The following FA2H variants were observed in gnomAD, a reference collection of about 807,000 sequenced individuals.
FA2H encodes fatty acid 2-hydroxylase.
In FA2H, 22 loss-of-function variants were observed where a neutral mutation model predicts 44.9. That is an observed-to-expected ratio of 0.49 (90% CI 0.35 to 0.70). FA2H has a LOEUF of 0.70. Ranked by LOEUF, FA2H falls within the 30% of genes least tolerant of loss-of-function variation. The pLI, the probability that FA2H is intolerant of heterozygous loss-of-function variation, is 0.01. For synonymous variants in FA2H, 243 were observed against 213.2 expected, an observed-to-expected ratio of 1.14 and a Z score of -1.22; for missense variants, 501 against 504.9, an observed-to-expected ratio of 0.99 and a Z score of 0.07.
intron 2 of FA2H, among the ~76,000 whole-genome samples, chr16:74,738,533 T>C (rs1962225491): frequency 6.6e-6 from 1 of 152,174 alleles, no homozygotes; most frequent in Non-Finnish European, 1.5e-5. Flanking sequence ...GTTTTGTTCA[T>C]GTCACATCAC....
intron 2 of FA2H, among the ~76,000 whole-genome samples, chr16:74,733,381 G>A (rs1222973285): frequency 1.3e-5 from 2 of 152,222 alleles, no homozygotes; most frequent in Admixed American, 6.5e-5. Flanking sequence ...GGATATTGAG[G>A]CCTGAGAGGT....
rs1235710043 is a variant in FA2H, at chr16:74,716,569, G to T, written c.817C>A (p.Pro273Thr). The T allele has an allele frequency of 6.3e-7, 1 of 1,592,852 alleles. No individual in the cohort carries two copies. ...ATCACCAGGGAGGCTGGCACAGGGG[G>T]GAAGACCAGGCGGGAGCCGTCGAAG... ...APFDGSRLVF[P>T]PVPASLVIGV... The change falls in exon 6 of 7, where the codon CCC (proline) becomes ACC (threonine). Residue 273 changes from proline (P) to threonine (T), a missense_variant. Pro to Thr is a conservative substitution (Grantham distance 38). Coordinates refer to ENST00000219368, the MANE Select transcript of FA2H (RefSeq NM_024306.5).
chr16:74,731,771 A>G (rs1962075679), intron 2 of FA2H, among the ~76,000 whole-genome samples: 2 of 152,020 alleles, frequency 1.3e-5, no homozygotes, highest in Non-Finnish European at 2.9e-5. Flanking sequence ...TCCTCTATTG[A>G]CTTTTTAGCT....
At chr16:74,761,556 C>T (rs1300952995) in intron 1 of FA2H, among the ~76,000 whole-genome samples, 1 of 152,160 alleles carries the variant, frequency 6.6e-6, no homozygotes, top group Non-Finnish European at 1.5e-5. Flanking sequence ...CGTTATCCAA[C>T]TGTTCTTTAT....
At position 74,772,618 on chromosome 16, in the gene FA2H, C is replaced by A. The variant is rs531616563; in HGVS notation, c.270+1868G>T. 9.9e-5 allele frequency among the ~76,000 whole-genome samples: 15 copies of A among 152,268 alleles called. No homozygotes were observed. In the South Asian group the frequency reaches 3.1e-3, roughly 32 times the overall value. On this transcript the variant is annotated intron_variant, in intron 1 of 6. Transcript: ENST00000219368. ...AACAGTGGGTGCTAAGTCCTTTCAACCAAAGATCTAAGAGTAGTTGCTGGG... is the reference window on the plus strand; with the variant it reads ...AACAGTGGGTGCTAAGTCCTTTCAAACAAAGATCTAAGAGTAGTTGCTGGG...
At chr16:74,758,033 C>T (rs1033138009) in intron 1 of FA2H, among the ~76,000 whole-genome samples, 7 of 151,042 alleles carry the variant, frequency 4.6e-5, no homozygotes, top group South Asian at 2.1e-4. Context: ...TATATATATA[C>T]GCATGTATAT....
intron 1 of FA2H, among the ~76,000 whole-genome samples, chr16:74,773,215 C>T (rs968296783): frequency 6.6e-6 from 1 of 152,104 alleles, no homozygotes; most frequent in South Asian, 2.1e-4. Flanking sequence ...AGAGTGAGTA[C>T]AGTACTATAA....
intron 1 of FA2H, among the ~76,000 whole-genome samples, chr16:74,767,803 T>G (rs182162039): frequency 1.3e-5 from 2 of 152,288 alleles, no homozygotes; most frequent in South Asian, 2.1e-4. Flanking sequence ...TTTGTGATAA[T>G]TTGCCAGAGA....
At chr16:74,722,099 C>T (rs1961854111) in intron 4 of FA2H, among the ~76,000 whole-genome samples, 2 of 152,190 alleles carry the variant, frequency 1.3e-5, no homozygotes, top group Non-Finnish European at 2.9e-5. Context: ...AAGCCCTCAG[C>T]CGCCTCCTCC....
chr16:74,765,636 C>T (rs981688223), intron 1 of FA2H, among the ~76,000 whole-genome samples: 5 of 152,052 alleles, frequency 3.3e-5, no homozygotes, highest in South Asian at 4.1e-4. Flanking sequence ...GGTGCAGTCA[C>T]GGCTCACTGC....
At chr16:74,721,472 C>T (rs1248167982) in intron 4 of FA2H, among the ~76,000 whole-genome samples, 1 of 152,086 alleles carries the variant, frequency 6.6e-6, no homozygotes, top group Non-Finnish European at 1.5e-5. Flanking sequence ...TTGGCCTAGC[C>T]GTTCTCTTTT....
chr16:74,730,436 C>T (rs1962050520), intron 2 of FA2H, among the ~76,000 whole-genome samples: 1 of 152,214 alleles, frequency 6.6e-6, no homozygotes, highest in African/African-American at 2.4e-5. Context: ...TCGCTGCTCC[C>T]TTCCTTACCC....
chr16:74,737,241 C>T (rs547003729), intron 2 of FA2H, among the ~76,000 whole-genome samples: 6 of 152,266 alleles, frequency 3.9e-5, no homozygotes, highest in African/African-American at 1.4e-4. Context: ...CAGGGGGACA[C>T]GTGTGTCCAG....
chr16:74,748,054 C>A (rs185275639), intron 1 of FA2H, among the ~76,000 whole-genome samples: 5 of 152,284 alleles, frequency 3.3e-5, no homozygotes, highest in Non-Finnish European at 7.4e-5. Flanking sequence ...GCCTTGCCAC[C>A]CAGCCCGCAG....
Position 74,750,790 on chromosome 16 carries a change from T to TGTGTGTGTGC in FA2H, c.271-10676_271-10675insGCACACACAC, listed in dbSNP as rs1555540831. ...GTGTGTGTGTGTGTGTGTGTGTGTG[T>TGTGTGTGTGC]TTAAGAGACAGGGTCTCGCTCTGTC... On this transcript the variant is annotated intron_variant, in intron 1 of 6. Coordinates refer to ENST00000219368, the MANE Select transcript of FA2H (RefSeq NM_024306.5). 1.6e-3 allele frequency among the ~76,000 whole-genome samples: 239 copies of TGTGTGTGTGC among 151,486 alleles called. 2 individuals carry two copies. Among genetic ancestry groups the TGTGTGTGTGC allele is most frequent in the African/African-American group, 5.5e-3 (227 of 41,202 alleles).
chr16:74,731,929 G>A (rs1241724207), intron 2 of FA2H, among the ~76,000 whole-genome samples: 2 of 152,170 alleles, frequency 1.3e-5, no homozygotes, highest in Non-Finnish European at 2.9e-5. Context: ...TGAGAGTGCG[G>A]TGGCATGGCT....
intron 4 of FA2H, among the ~76,000 whole-genome samples, chr16:74,722,058 A>T (rs1234427008): frequency 1.3e-5 from 2 of 152,250 alleles, no homozygotes; most frequent in East Asian, 1.9e-4. Context: ...AAAGTCCATG[A>T]CTTGCCAGGC....
intron 1 of FA2H, among the ~76,000 whole-genome samples, chr16:74,744,423 G>A (rs546422016): frequency 6.7e-6 from 1 of 148,590 alleles, no homozygotes; most frequent in African/African-American, 2.5e-5. Flanking sequence ...CTTTTTTCCA[G>A]TATTTGGAAA....
At chr16:74,742,099 G>A (rs769633681) in intron 1 of FA2H, among the ~76,000 whole-genome samples, 1 of 151,948 alleles carries the variant, frequency 6.6e-6, no homozygotes, top group Non-Finnish European at 1.5e-5. Context: ...CCAGACCCAC[G>A]CCTAGCACGG....
Sources: allele counts gnomAD v4.1 joint callset (sites outside exome capture counted in the v4.1 genomes callset), GRCh38; gene constraint gnomAD v4.1.1; transcripts MANE v1.5; gene names NCBI Gene and HGNC (gene_info 2026-07-23, HGNC 2026-07-21).